AK5: variants seen among roughly 807,000 people sequenced by gnomAD.
The protein encoded by AK5 is adenylate kinase isoenzyme 5.
A neutral mutation model predicts 69.5 loss-of-function variants in AK5; 27 were observed. That is an observed-to-expected ratio of 0.39 (90% CI 0.29 to 0.54). AK5 has a LOEUF of 0.54. Ranked by LOEUF, AK5 falls within the 20% of genes least tolerant of loss-of-function variation. AK5 has a pLI of 0.71. For missense variants in AK5, 531 were observed against 700.4 expected (o/e 0.76, Z 2.73); for synonymous variants, 260 against 244.4 (o/e 1.06, Z -0.60).
At chr1:77,464,024 T>C (rs1460468647) in intron 8 of AK5, among the ~76,000 whole-genome samples, 2 of 152,228 alleles carry the variant, frequency 1.3e-5, no homozygotes, top group Non-Finnish European at 2.9e-5. Flanking sequence ...CAAGGCACTA[T>C]GAAAGATGAA....
Position 77,367,721 on chromosome 1 carries a change from A to G in AK5, c.891+27153A>G, listed in dbSNP as rs1219578653. Among the ~76,000 whole-genome samples the G allele has an allele frequency of 6.0e-5, 3 of 49,848 alleles. No homozygotes were observed. In the South Asian group the frequency reaches 1.5e-3, roughly 25 times the overall value. The allele number at this position is 49,848 out of a possible 152,430, so 32.7% of individuals were successfully genotyped here. On this transcript the variant is annotated intron_variant, in intron 6 of 13. Coordinates refer to ENST00000354567, the MANE Select transcript of AK5 (RefSeq NM_174858.3). ...ATATGTTATATATATGTTATATATA[A>G]TATATGTTATATATACGTTATATGT...
rs1216689849 is a variant in AK5 at position 77,320,646 on chromosome 1, A to T, written c.700-19731A>T. Among the ~76,000 whole-genome samples, 3 of 152,082 alleles carry T rather than the reference A, an allele frequency of 2.0e-5. No homozygotes were observed. The East Asian group carries it at 5.8e-4, about 29-fold the overall frequency. On this transcript the variant is annotated intron_variant, in intron 5 of 13. Coordinates refer to ENST00000354567, the MANE Select transcript of AK5 (RefSeq NM_174858.3). ...TGCCTGTAATACCAGCTACTCAGGA[A>T]GCTGAGACAGGAGAATTGCTTGAAT...
At chr1:77,337,436 TA>T (rs1661418565) in intron 5 of AK5, among the ~76,000 whole-genome samples, 1 of 152,188 alleles carries the variant, frequency 6.6e-6, no homozygotes, top group Admixed American at 6.5e-5. Context: ...TCTTATATTT[TA>T]ATATGCGTTA....
intron 6 of AK5, among the ~76,000 whole-genome samples, chr1:77,366,543 G>A (rs1646953099): frequency 6.6e-6 from 1 of 152,114 alleles, no homozygotes; most frequent in South Asian, 2.1e-4. Flanking sequence ...GCCCATGCCT[G>A]GTCTCTCTAC....
At chr1:77,408,263 A>G (rs1388040837) in intron 6 of AK5, among the ~76,000 whole-genome samples, 1 of 152,114 alleles carries the variant, frequency 6.6e-6, no homozygotes, top group Admixed American at 6.5e-5. Flanking sequence ...TAGTAAAAAC[A>G]TTTCCTTTTC....
chr1:77,435,356 C>T (rs1651890899), intron 8 of AK5, among the ~76,000 whole-genome samples: 1 of 152,124 alleles, frequency 6.6e-6, no homozygotes, highest in Admixed American at 6.5e-5. Context: ...AGTAAATAGA[C>T]TGTAAAACAG....
chr1:77,552,989 A>G (rs1252614467), intron 13 of AK5, among the ~76,000 whole-genome samples: 3 of 152,164 alleles, frequency 2.0e-5, no homozygotes, highest in South Asian at 2.1e-4. Flanking sequence ...ACAGTGAGCT[A>G]TGATCTCACT....
chr1:77,287,507 C>T (rs1382160456), intron 2 of AK5, among the ~76,000 whole-genome samples: 2 of 152,240 alleles, frequency 1.3e-5, no homozygotes, highest in Non-Finnish European at 2.9e-5. Flanking sequence ...TTTTTATTAG[C>T]TAGAAAGAGA....
chr1:77,507,466 A>C (rs545871534), intron 10 of AK5, among the ~76,000 whole-genome samples: 1 of 152,390 alleles, frequency 6.6e-6, no homozygotes, highest in South Asian at 2.1e-4. Context: ...ATATCAAGCC[A>C]AAAGTATTGT....
At chr1:77,324,530 G>A (rs573845316) in intron 5 of AK5, among the ~76,000 whole-genome samples, 15 of 152,264 alleles carry the variant, frequency 9.9e-5, no homozygotes, top group Admixed American at 6.5e-4. Context: ...TGTATCTAAA[G>A]TGCAGTGATA....
chr1:77,501,537 A>G (rs758207843), intron 10 of AK5, among the ~76,000 whole-genome samples: 10 of 152,256 alleles, frequency 6.6e-5, no homozygotes, highest in Non-Finnish European at 1.2e-4. Flanking sequence ...AACAAATAGT[A>G]TAAATACATA....
intron 10 of AK5, 34 bp downstream of exon 10, chr1:77,486,386 A>G: frequency 6.6e-7 from 1 of 1,509,140 alleles, no homozygotes. Flanking sequence ...CTAACAATAC[A>G]ATTGCTAATA....
intron 8 of AK5, among the ~76,000 whole-genome samples, chr1:77,461,383 G>A (rs1653829321): frequency 6.6e-6 from 1 of 151,980 alleles, no homozygotes; most frequent in African/African-American, 2.4e-5. Context: ...AAAGTAAAAT[G>A]TGGTTACCAG....
At chr1:77,409,324 C>T (rs776290644) in intron 6 of AK5, among the ~76,000 whole-genome samples, 4 of 152,130 alleles carry the variant, frequency 2.6e-5, no homozygotes, top group Admixed American at 6.5e-5. Flanking sequence ...TTTTACTCTT[C>T]GAGGAATTGC....
At chr1:77,424,898 C>T (rs1651091680) in intron 8 of AK5, among the ~76,000 whole-genome samples, 1 of 152,016 alleles carries the variant, frequency 6.6e-6, no homozygotes, top group African/African-American at 2.4e-5. Flanking sequence ...TGAACAACAC[C>T]AAACCACAGA....
intron 10 of AK5, among the ~76,000 whole-genome samples, chr1:77,496,143 G>A (rs1656302101): frequency 6.6e-6 from 1 of 152,192 alleles, no homozygotes; most frequent in Admixed American, 6.5e-5. Flanking sequence ...AGAGTTGAGA[G>A]AGGAAGTCAG....
At chr1:77,438,547 T>C (rs760069856) in intron 8 of AK5, among the ~76,000 whole-genome samples, 60 of 152,258 alleles carry the variant, frequency 3.9e-4, no homozygotes, top group Non-Finnish European at 7.9e-4. Flanking sequence ...TAATTGGCCA[T>C]CTCACACCTA....
intron 8 of AK5, among the ~76,000 whole-genome samples, chr1:77,434,432 C>G (rs1022731453): frequency 6.6e-6 from 1 of 152,084 alleles, no homozygotes; most frequent in African/African-American, 2.4e-5. Flanking sequence ...CAGGGCCCAA[C>G]TGGAAAAATC....
At chr1:77,395,380 A>G (rs1158080863) in intron 6 of AK5, among the ~76,000 whole-genome samples, 1 of 152,174 alleles carries the variant, frequency 6.6e-6, no homozygotes, top group Admixed American at 6.6e-5. Context: ...TTCTGTCTCT[A>G]TTATTGACCA....
Sources: allele counts gnomAD v4.1 joint callset (sites outside exome capture counted in the v4.1 genomes callset), GRCh38; gene constraint gnomAD v4.1.1; transcripts MANE v1.5; gene names NCBI Gene and HGNC (gene_info 2026-07-23, HGNC 2026-07-21).